Variants in PKHD1L1 observed in about 807,000 individuals in gnomAD.
PKHD1L1 encodes fibrocystin-L.
Under a neutral mutation model 462.9 loss-of-function variants are expected in PKHD1L1, and 434 were observed. The ratio of observed to expected loss-of-function variants is 0.94; its 90% CI spans 0.87 to 1.02. The LOEUF is 1.02. PKHD1L1 is among the 50% of genes least tolerant of loss of function. The pLI, the probability that PKHD1L1 is intolerant of heterozygous loss-of-function variation, is 0.00. For missense variants in PKHD1L1, 5,202 were observed against 5,096.1 expected (o/e 1.02, Z -0.63); for synonymous variants, 1,781 against 1,750.0 (o/e 1.02, Z -0.44).
intron 68 of PKHD1L1, among the ~76,000 whole-genome samples, chr8:109,505,120 C>T (rs1819626711): frequency 6.6e-6 from 1 of 151,992 alleles, no homozygotes; most frequent in Non-Finnish European, 1.5e-5. Flanking sequence ...GAACTCCTGG[C>T]CTCAAGGGTT....
At chr8:109,491,851 C>CT (rs369928128) in intron 61 of PKHD1L1, 22 bp from the exon 62 acceptor site, 2 of 1,529,736 alleles carry the variant, frequency 1.3e-6, no homozygotes, top group East Asian at 4.6e-5. Context: ...GATTTTCTTT[C>CT]TTTTTTTCTT....
intron 21 of PKHD1L1, among the ~76,000 whole-genome samples, chr8:109,415,478 G>A (rs1359444153): frequency 1.3e-5 from 2 of 152,184 alleles, no homozygotes; most frequent in Non-Finnish European, 2.9e-5. Context: ...CAGCCAGGGT[G>A]TAGACCTGGA....
At chr8:109,471,611 CCTCACG>C (rs1451427077) in intron 50 of PKHD1L1, among the ~76,000 whole-genome samples, 1 of 152,130 alleles carries the variant, frequency 6.6e-6, no homozygotes, top group Admixed American at 6.6e-5. Flanking sequence ...GTGTTATCTA[CCTCACG>C]GTAACAAGAG....
At position 109,498,548 on chromosome 8, in the gene PKHD1L1, T is replaced by G. The variant is rs773331448; in HGVS notation, c.10686T>G (p.Ala3562=). The G allele has an allele frequency of 6.2e-7, 1 of 1,613,528 alleles. No homozygotes were observed. Among genetic ancestry groups the G allele is most frequent in the South Asian group, 1.1e-5 (1 of 91,078 alleles). ...NDDPNIELTA[A]HRSPRSPSGG... ...ATCCTAATATTGAACTCACTGCTGC[T>G]CATCGGAGTCCTAGATCTCCATCAG... The change falls in exon 66 of 78, where the codon GCT becomes GCG. Residue 3562 remains alanine (A), a synonymous_variant. Transcript: ENST00000378402.
intron 41 of PKHD1L1, 109 bp downstream of exon 41, chr8:109,451,258 C>A: frequency 8.6e-7 from 1 of 1,160,658 alleles, no homozygotes; most frequent in Non-Finnish European, 1.2e-6. Flanking sequence ...GCAATGTGTA[C>A]CTATATGCTC....
chr8:109,466,546 T>A (rs773771776), intron 49 of PKHD1L1, 32 bp from the exon 50 acceptor site: 2 of 1,529,546 alleles, frequency 1.3e-6, no homozygotes, highest in South Asian at 2.5e-5. Flanking sequence ...TAATGTGAAA[T>A]AAAAAACATA....
intron 5 of PKHD1L1, among the ~76,000 whole-genome samples, chr8:109,385,184 G>T (rs1812371909): frequency 6.7e-6 from 1 of 149,842 alleles, no homozygotes; most frequent in Non-Finnish European, 1.5e-5. Context: ...TAATTGTTAT[G>T]GTTTTATTTT....
chr8:109,448,517 G>T (rs1209232737), intron 39 of PKHD1L1, 126 bp downstream of exon 39: 29 of 926,176 alleles, frequency 3.1e-5, no homozygotes, highest in East Asian at 2.0e-4. Context: ...TGTTTGTTTG[G>T]TTTTTTTTTT....
chr8:109,418,516 T>C (rs1168645769), intron 21 of PKHD1L1, among the ~76,000 whole-genome samples: 1 of 152,206 alleles, frequency 6.6e-6, no homozygotes, highest in Non-Finnish European at 1.5e-5. Flanking sequence ...TTAACTGTAA[T>C]TTATGGGATT....
chr8:109,427,177 T>G, intron 25 of PKHD1L1, 21 bp downstream of exon 25: 1 of 1,568,208 alleles, frequency 6.4e-7, no homozygotes, highest in South Asian at 1.1e-5. Context: ...TTGGCTTGGC[T>G]TCTCTTTTCT....
rs765536638 is a variant in PKHD1L1 at position 109,490,036 on chromosome 8, C to T, written c.9965C>T (p.Thr3322Met). ...RDSTDPRYAV[T>M]FLNLGQIQEH... is the part of the protein sequence containing the mutation. ...AGCACAGATCCAAGATATGCTGTAA[C>T]GTTTCTTAACCTAGGACAGGTTTGT... The change falls in exon 60 of 78, where the codon ACG (threonine) becomes ATG (methionine). Residue 3322 changes from threonine to methionine, a missense_variant. Thr to Met is a moderately conservative substitution (Grantham distance 81). Around this residue, in one of 3 missense-constraint regions of PKHD1L1, gnomAD observed 4,497 missense variants for 4,336.8 expected, o/e 1.04. Coordinates refer to ENST00000378402, the MANE Select transcript of PKHD1L1 (RefSeq NM_177531.6). The T allele has an allele frequency of 1.6e-5, 25 of 1,603,464 alleles. No homozygotes were observed. The highest frequency in any genetic ancestry group is 6.7e-5 in the African/African-American group (5 of 74,528).
rs1334732999 is a variant in PKHD1L1, at chr8:109,483,506, A to G, written c.9576+401A>G. On this transcript the variant is annotated intron_variant, in intron 57 of 77. Coordinates refer to ENST00000378402, the MANE Select transcript of PKHD1L1 (RefSeq NM_177531.6). ...ATTAAAATGTATGTACATAATATAA[A>G]TTAGTCATATTATTTTATATTAATA... Among the ~76,000 whole-genome samples the G allele has an allele frequency of 2.1e-5, 3 of 145,016 alleles. No homozygotes were observed. In the East Asian group the frequency reaches 6.0e-4, roughly 29 times the overall value.
intron 2 of PKHD1L1, among the ~76,000 whole-genome samples, chr8:109,379,122 G>A (rs1811983303): frequency 6.6e-6 from 1 of 152,106 alleles, no homozygotes; most frequent in African/African-American, 2.4e-5. Flanking sequence ...CTGAATACCG[G>A]AACTGCCAAG....
Position 109,445,517 on chromosome 8 carries a change from G to T in PKHD1L1, c.5648G>T (p.Arg1883Leu), listed in dbSNP as rs201130267. The change falls in exon 38 of 78, where the codon CGC (arginine) becomes CTC (leucine). Residue 1883 changes from arginine (R) to leucine (L), a missense_variant. Around this residue, in one of 3 missense-constraint regions of PKHD1L1, gnomAD observed 4,497 missense variants for 4,336.8 expected, o/e 1.04. Transcript: ENST00000378402. ...ISINPNEVYCRTPAGTTGMVD... is the reference protein window; with the variant it reads ...ISINPNEVYCLTPAGTTGMVD... Reference sequence around the variant, plus strand: ...ATCAACCCCAATGAAGTCTACTGCCGCACTCCCGCTGGGACCACTGGAATG... The same window carrying T: ...ATCAACCCCAATGAAGTCTACTGCCTCACTCCCGCTGGGACCACTGGAATG... The T allele has an allele frequency of 2.1e-3, 3,451 of 1,613,366 alleles. 9 individuals are homozygous for T. The highest frequency in any genetic ancestry group is 5.4e-3 in the South Asian group (489 of 90,952).
chr8:109,443,239 G>C, intron 36 of PKHD1L1, 123 bp downstream of exon 36: 1 of 896,606 alleles, frequency 1.1e-6, no homozygotes. Context: ...ACGTGACCTT[G>C]AATAGGTTTG....
intron 16 of PKHD1L1, 55 bp downstream of exon 16, chr8:109,405,185 A>G (rs1401976256): frequency 2.7e-6 from 3 of 1,123,058 alleles, no homozygotes; most frequent in Non-Finnish European, 3.7e-6. Context: ...AGATGTAGTC[A>G]TAAAGTATTT....
chr8:109,391,704 G>A (rs772878635), intron 9 of PKHD1L1, among the ~76,000 whole-genome samples: 6 of 152,126 alleles, frequency 3.9e-5, no homozygotes, highest in Non-Finnish European at 7.4e-5. Flanking sequence ...TCTGAACAAT[G>A]ATCAGAAGTC....
At chr8:109,418,968 A>G (rs946025746) in intron 21 of PKHD1L1, 129 bp from the exon 22 acceptor site, 1 of 726,904 alleles carries the variant, frequency 1.4e-6, no homozygotes, top group African/African-American at 1.8e-5. Flanking sequence ...TTCTGTGCTA[A>G]TAAAGCTCCC....
intron 46 of PKHD1L1, among the ~76,000 whole-genome samples, chr8:109,459,195 C>T (rs1457284): frequency 0.56 from 84,267 of 151,734 alleles, 23,599 homozygotes; most frequent in South Asian, 0.69. Flanking sequence ...CTCTACCTAC[C>T]AGATGCCAGT....
Sources: gnomAD v4.1 joint callset for allele counts (sites outside exome capture counted in the v4.1 genomes callset) on GRCh38, gnomAD v4.1.1 for gene constraint, gnomAD v4.1.1 regional missense constraint, MANE v1.5 for transcripts, NCBI Gene and HGNC (gene_info 2026-07-23, HGNC 2026-07-21) for gene names.